IKZF1: variants seen among roughly 807,000 people sequenced by gnomAD.
The protein encoded by IKZF1 is IKAROS family zinc finger 1.
IKZF1 carries 10 observed loss-of-function variants against 51.7 expected under a neutral mutation model. The ratio of observed to expected loss-of-function variants is 0.19; its 90% confidence interval spans 0.12 to 0.33. IKZF1 has a LOEUF of 0.33. IKZF1 is among the 10% of genes least tolerant of loss of function. The probability of loss-of-function intolerance (pLI) is 1.00; values close to 1 mark genes in which losing one functional copy is unlikely to be tolerated. For synonymous variants in IKZF1, 280 were observed against 282.3 expected, an observed-to-expected ratio of 0.99 and a Z score of 0.08; for missense variants, 484 against 707.5, an observed-to-expected ratio of 0.68 and a Z score of 3.58.
intron 3 of IKZF1, among the ~76,000 whole-genome samples, chr7:50,362,440 A>G (rs1476144660): frequency 6.6e-6 from 1 of 152,230 alleles, no homozygotes; most frequent in African/African-American, 2.4e-5. Flanking sequence ...GTGGACTTGC[A>G]AAGCACTAGC....
chr7:50,355,025 A>G (rs1018748184), intron 3 of IKZF1, among the ~76,000 whole-genome samples: 1 of 152,134 alleles, frequency 6.6e-6, no homozygotes, highest in Non-Finnish European at 1.5e-5. Flanking sequence ...TCTGAGGCAG[A>G]GTCCTCAGGT....
At chr7:50,308,099 T>C (rs950110828) in intron 1 of IKZF1, among the ~76,000 whole-genome samples, 1 of 152,238 alleles carries the variant, frequency 6.6e-6, no homozygotes, top group African/African-American at 2.4e-5. Flanking sequence ...TTTTTAAATG[T>C]TTGGTAATAT....
intron 7 of IKZF1, among the ~76,000 whole-genome samples, chr7:50,393,612 A>G (rs1350358901): frequency 6.6e-6 from 1 of 152,238 alleles, no homozygotes; most frequent in African/African-American, 2.4e-5. Flanking sequence ...TGGCTGAGCC[A>G]GTGGGGAGTT....
chr7:50,336,230 G>A (rs1389478542), intron 3 of IKZF1, among the ~76,000 whole-genome samples: 1 of 152,188 alleles, frequency 6.6e-6, no homozygotes, highest in Non-Finnish European at 1.5e-5. Flanking sequence ...CACTGGGGGA[G>A]GAGGAGCCCT....
chr7:50,320,444 C>T (rs1397925761), intron 2 of IKZF1, among the ~76,000 whole-genome samples: 2 of 152,130 alleles, frequency 1.3e-5, no homozygotes, highest in Admixed American at 1.3e-4. Flanking sequence ...TAGGAACATT[C>T]GACATCTTCC....
chr7:50,402,780 GT>G lies in IKZF1; in HGVS notation c.*2154del, dbSNP rs1211596380. ...TGGATTTCTCTGCTCACAGAAGGGT[GT>G]GGCATTTGGAAACGGGAATAAACAA... is the stretch of plus-strand genomic sequence containing the variant. On this transcript the variant is annotated 3_prime_UTR_variant, in exon 8 of 8. Coordinates refer to ENST00000331340, the MANE Select transcript of IKZF1 (RefSeq NM_006060.6). 1.3e-5 allele frequency: 3 copies of G among 230,348 alleles called. No homozygotes were observed. The highest frequency in any genetic ancestry group is 1.8e-4 in the South Asian group (1 of 5,502). 14.3% of individuals were successfully genotyped at this position (230,348 alleles called of 1,614,324 possible).
chr7:50,368,156 C>T (rs558055360), intron 3 of IKZF1: 114 of 703,488 alleles, frequency 1.6e-4, no homozygotes, highest in African/African-American at 1.4e-3. Flanking sequence ...CATCAACCCC[C>T]GAGATACATT....
chr7:50,348,133 A>G (rs1800856386), intron 3 of IKZF1, among the ~76,000 whole-genome samples: 1 of 152,264 alleles, frequency 6.6e-6, no homozygotes, highest in South Asian at 2.1e-4. Context: ...GACATTTCCA[A>G]GAGAATTCCT....
chr7:50,361,445 A>G (rs1299739561), intron 3 of IKZF1, among the ~76,000 whole-genome samples: 1 of 152,222 alleles, frequency 6.6e-6, no homozygotes, highest in Non-Finnish European at 1.5e-5. Flanking sequence ...AACCTGTTGA[A>G]TGTTTTCCCC....
intron 3 of IKZF1, chr7:50,328,475 T>G (rs1323580215): frequency 1.3e-5 from 2 of 152,228 alleles, no homozygotes; most frequent in African/African-American, 4.8e-5. Flanking sequence ...TAGTTCTCGC[T>G]CCATTATACC....
chr7:50,315,072 G>C (rs1419643559), intron 1 of IKZF1, among the ~76,000 whole-genome samples: 1 of 152,252 alleles, frequency 6.6e-6, no homozygotes, highest in African/African-American at 2.4e-5. Context: ...TGCCCGGCTT[G>C]CCCGGCTCCT....
intron 3 of IKZF1, chr7:50,367,721 T>C (rs1351489905): frequency 5.8e-6 from 2 of 342,850 alleles, no homozygotes; most frequent in Non-Finnish European, 1.1e-5. Flanking sequence ...TCTAGAATGT[T>C]TGGGGCTGCA....
rs562049391 is a variant in IKZF1, at chr7:50,344,797, A to G, written c.160+17040A>G. Among the ~76,000 whole-genome samples the G allele has an allele frequency of 9.8e-5, 15 of 152,306 alleles. No homozygotes were observed. In the South Asian group the frequency reaches 1.0e-3, roughly 11 times the overall value. ...GATACCTTTTTAAGAGATAGGCTAT[A>G]GAAATAGAAAATCATCTTAGTTGGA... On this transcript the variant is annotated intron_variant, in intron 3 of 7. Transcript: ENST00000331340.
At chr7:50,344,665 A>G (rs1799910367) in intron 3 of IKZF1, among the ~76,000 whole-genome samples, 1 of 152,226 alleles carries the variant, frequency 6.6e-6, no homozygotes, top group Admixed American at 6.5e-5. Flanking sequence ...GGCAGGTACT[A>G]CATCTACTTG....
intron 1 of IKZF1, among the ~76,000 whole-genome samples, chr7:50,318,007 G>A (rs1302485880): frequency 6.6e-6 from 1 of 152,158 alleles, no homozygotes; most frequent in Admixed American, 6.5e-5. Flanking sequence ...GTTAGTGAAG[G>A]AGCTCTCCTG....
chr7:50,339,050 G>A (rs1340804116), intron 3 of IKZF1, among the ~76,000 whole-genome samples: 1 of 152,188 alleles, frequency 6.6e-6, no homozygotes, highest in Non-Finnish European at 1.5e-5. Context: ...AGTCTACCGT[G>A]GTTGGGAGTA....
Position 50,376,489 on chromosome 7 carries a change from T to G in IKZF1, c.161-44T>G, listed in dbSNP as rs199815122. 574 of 1,593,316 alleles carry G rather than the reference T, an allele frequency of 3.6e-4. 5 individuals are homozygous for G. The East Asian group carries it at 0.013, about 35-fold the overall frequency. On this transcript the variant is annotated intron_variant, in intron 3 of 7. Transcript: ENST00000331340. The surrounding 1 kb of genome is among the most constrained non-coding windows in gnomAD (Gnocchi z 4.5). ...TGCTGTGTTGTTTTGTTGAGTTTTT[T>G]TTTTGCAATGACACTGAGTGGCCTC...
At chr7:50,361,382 A>G (rs1235007059) in intron 3 of IKZF1, among the ~76,000 whole-genome samples, 2 of 152,252 alleles carry the variant, frequency 1.3e-5, no homozygotes, top group Non-Finnish European at 2.9e-5. Flanking sequence ...CTTCCAAAAA[A>G]GAGTAAGCAA....
At chr7:50,370,254 C>T (rs954938643) in intron 3 of IKZF1, among the ~76,000 whole-genome samples, 1 of 152,138 alleles carries the variant, frequency 6.6e-6, no homozygotes, top group Non-Finnish European at 1.5e-5. Context: ...TTTACTTTTT[C>T]AGTAAATATG....
Sources: gnomAD v4.1 joint callset for allele counts (sites outside exome capture counted in the v4.1 genomes callset) on GRCh38, gnomAD v4.1.1 for gene constraint, Gnocchi (gnomAD v3.1) non-coding constraint, MANE v1.5 for transcripts, NCBI Gene and HGNC (gene_info 2026-07-23, HGNC 2026-07-21) for gene names.